Variants in NDST3 observed in about 807,000 individuals in gnomAD.
NDST3 encodes the protein N-deacetylase and N-sulfotransferase 3.
Under a neutral mutation model 96.1 loss-of-function variants are expected in NDST3, and 58 were observed. That is an observed-to-expected ratio of 0.60 (90% confidence interval 0.49 to 0.75). The LOEUF is 0.75. Ranked by LOEUF, NDST3 falls within the 30% of genes least tolerant of loss-of-function variation. The probability of loss-of-function intolerance (pLI) is 0.00; values close to 1 mark genes in which losing one functional copy is unlikely to be tolerated. For synonymous variants in NDST3, 333 were observed against 359.7 expected (o/e 0.93, Z 0.84); for missense variants, 788 against 1,034.2 (o/e 0.76, Z 3.27).
chr4:118,116,756 G>T (rs1731165305), intron 4 of NDST3, among the ~76,000 whole-genome samples: 1 of 152,068 alleles, frequency 6.6e-6, no homozygotes, highest in Non-Finnish European at 1.5e-5. Flanking sequence ...TACTCAGGAA[G>T]CTGAGGCAGG....
intron 6 of NDST3, among the ~76,000 whole-genome samples, chr4:118,207,790 C>T (rs28619162): frequency 0.014 from 1,995 of 144,102 alleles, 272 homozygotes; most frequent in African/African-American, 0.048. Flanking sequence ...CTAACATATC[C>T]GAGGCTTGCC....
At chr4:118,111,973 G>C (rs1017932384) in intron 3 of NDST3, among the ~76,000 whole-genome samples, 2 of 151,990 alleles carry the variant, frequency 1.3e-5, no homozygotes, top group Admixed American at 6.5e-5. Context: ...ACCATGCCCG[G>C]CCCATAATTT....
At chr4:118,143,942 G>T (rs1394574782) in intron 6 of NDST3, among the ~76,000 whole-genome samples, 1 of 152,120 alleles carries the variant, frequency 6.6e-6, no homozygotes, top group Admixed American at 6.6e-5. Context: ...AAAGTGATCA[G>T]AAGCTTTCAT....
intron 1 of NDST3, among the ~76,000 whole-genome samples, chr4:118,053,485 T>C (rs902049594): frequency 4.0e-5 from 6 of 151,766 alleles, no homozygotes; most frequent in African/African-American, 1.4e-4. Context: ...ATCTACAGAG[T>C]TTGATGCAAA....
intron 2 of NDST3, among the ~76,000 whole-genome samples, chr4:118,060,125 T>C (rs1056586104): frequency 6.6e-6 from 1 of 152,064 alleles, no homozygotes; most frequent in East Asian, 1.9e-4. Flanking sequence ...TATTCTTTTT[T>C]GGGGGGTGAG....
intron 2 of NDST3, among the ~76,000 whole-genome samples, chr4:118,067,532 C>T (rs940289628): frequency 6.6e-6 from 1 of 152,068 alleles, no homozygotes; most frequent in South Asian, 2.1e-4. Flanking sequence ...TTGTCATTTG[C>T]ACTTTGCAAG....
chr4:118,075,490 T>C (rs949473482), intron 2 of NDST3, among the ~76,000 whole-genome samples: 1 of 152,232 alleles, frequency 6.6e-6, no homozygotes, highest in Non-Finnish European at 1.5e-5. Flanking sequence ...TCCACAATGG[T>C]TGAACTAGTT....
At position 118,098,684 on chromosome 4, in the gene NDST3, TCCTTA is replaced by T. The variant is rs1578634646; in HGVS notation, c.982-6332_982-6328del. Among the ~76,000 whole-genome samples, 3 of 152,202 alleles carry T rather than the reference TCCTTA, an allele frequency of 2.0e-5. No homozygotes were observed. The East Asian group carries it at 5.8e-4, about 29-fold the overall frequency. The stretch of plus-strand genomic sequence containing the variant: ...TTCTCTGCTTTCACACAAACCTTTG[TCCTTA>T]CTCTGTTATTACAATAGAAACAATA... On this transcript the variant is annotated intron_variant, in intron 2 of 13. Coordinates refer to ENST00000296499, the MANE Select transcript of NDST3 (RefSeq NM_004784.3).
chr4:118,193,804 G>A, intron 6 of NDST3: 1 of 1,484,902 alleles, frequency 6.7e-7, no homozygotes, highest in Non-Finnish European at 9.2e-7. Flanking sequence ...GATGACACAT[G>A]GCCAGGTTGA....
At chr4:118,207,372 A>G (rs1327925323) in intron 6 of NDST3, among the ~76,000 whole-genome samples, 1 of 144,964 alleles carries the variant, frequency 6.9e-6, no homozygotes, top group Non-Finnish European at 1.5e-5. Context: ...CTAGTATTGA[A>G]TAGTATTATG....
chr4:118,183,733 T>C (rs946949934), intron 6 of NDST3, among the ~76,000 whole-genome samples: 2 of 152,242 alleles, frequency 1.3e-5, no homozygotes, highest in African/African-American at 4.8e-5. Flanking sequence ...GGATAATTGC[T>C]ATTGTCTTCT....
chr4:118,083,177 A>G (rs1401801260), intron 2 of NDST3, among the ~76,000 whole-genome samples: 1 of 152,186 alleles, frequency 6.6e-6, no homozygotes, highest in Non-Finnish European at 1.5e-5. Flanking sequence ...GTGTATTACA[A>G]TTTAATAGTG....
rs572269893 is a variant in NDST3, at chr4:118,255,540, T to G, written c.2503-53T>G. On this transcript the variant is annotated intron_variant, in intron 13 of 13. Coordinates refer to ENST00000296499, the MANE Select transcript of NDST3 (RefSeq NM_004784.3). ...CTTATTTCAACGTAGTCAAAGTGTATGAAATGTAATAAACAAAATAAAATG... is the reference window on the plus strand; with the variant it reads ...CTTATTTCAACGTAGTCAAAGTGTAGGAAATGTAATAAACAAAATAAAATG... The G allele has an allele frequency of 3.3e-6, 5 of 1,536,108 alleles. No homozygotes were observed. In the African/African-American group the frequency reaches 5.5e-5, roughly 17 times the overall value.
At chr4:118,106,021 T>C (rs1730154879) in intron 3 of NDST3, among the ~76,000 whole-genome samples, 1 of 152,186 alleles carries the variant, frequency 6.6e-6, no homozygotes. Context: ...TGTAGAGATA[T>C]CATATTAGGG....
At chr4:118,137,072 A>G (rs1377091931) in intron 4 of NDST3, among the ~76,000 whole-genome samples, 1 of 152,190 alleles carries the variant, frequency 6.6e-6, no homozygotes, top group Non-Finnish European at 1.5e-5. Context: ...TTTCCATATC[A>G]GTTGGCTGCA....
chr4:118,217,333 C>T (rs1302350593), intron 6 of NDST3, among the ~76,000 whole-genome samples: 1 of 152,094 alleles, frequency 6.6e-6, no homozygotes, highest in Non-Finnish European at 1.5e-5. Flanking sequence ...TAGGTTGACA[C>T]ACTGAACTTT....
chr4:118,111,684 C>A (rs1263291222), intron 3 of NDST3, among the ~76,000 whole-genome samples: 2 of 151,926 alleles, frequency 1.3e-5, no homozygotes, highest in Non-Finnish European at 2.9e-5. Flanking sequence ...CTACAGGTGC[C>A]CGCCACCATG....
At chr4:118,127,108 G>A (rs533089644) in intron 4 of NDST3, among the ~76,000 whole-genome samples, 1 of 151,594 alleles carries the variant, frequency 6.6e-6, no homozygotes, top group Non-Finnish European at 1.5e-5. Flanking sequence ...CTTGTCAGAT[G>A]GGGAGTTTGC....
chr4:118,235,007 G>C (rs1346653285), intron 9 of NDST3, among the ~76,000 whole-genome samples: 1 of 147,382 alleles, frequency 6.8e-6, no homozygotes, highest in African/African-American at 2.5e-5. Context: ...TCCAGCCTGG[G>C]TGACAGAAGG....
Sources: allele counts gnomAD v4.1 joint callset (sites outside exome capture counted in the v4.1 genomes callset), GRCh38; gene constraint gnomAD v4.1.1; transcripts MANE v1.5; gene names NCBI Gene and HGNC (gene_info 2026-07-23, HGNC 2026-07-21).